The following BRD9 variants were observed in gnomAD, a reference collection of about 807,000 sequenced individuals.
BRD9 encodes bromodomain containing 9, also known as bromodomain-containing protein 9.
A neutral mutation model predicts 68.7 loss-of-function variants in BRD9; 47 were observed. That is an observed-to-expected ratio of 0.68 (90% CI 0.54 to 0.87). BRD9 has a LOEUF of 0.87. BRD9 is among the 40% of genes least tolerant of loss of function. The probability of loss-of-function intolerance (pLI) is 0.00; values close to 1 mark genes in which losing one functional copy is unlikely to be tolerated. For missense variants in BRD9, 670 were observed against 748.4 expected (o/e 0.90, Z 1.22); for synonymous variants, 313 against 293.9 (o/e 1.06, Z -0.67).
intron 5 of BRD9, chr5:888,344 G>C (rs930006664): frequency 3.9e-5 from 6 of 152,322 alleles, no homozygotes; most frequent in African/African-American, 7.2e-5. Context: ...TCCTCTCATC[G>C]AGTTTCCTTT....
chr5:867,213 G>C (rs61079259), intron 14 of BRD9, among the ~76,000 whole-genome samples: 15,129 of 152,262 alleles, frequency 0.099, 2,083 homozygotes, highest in African/African-American at 0.31. Flanking sequence ...GTAGGCAGAA[G>C]GCAAGAGCTG....
intron 5 of BRD9, 29 bp downstream of exon 5, chr5:888,992 G>T (rs756910640): frequency 6.3e-7 from 1 of 1,596,602 alleles, no homozygotes; most frequent in Non-Finnish European, 8.5e-7. Context: ...ACTATGCCAC[G>T]ATTACTTCGG....
Position 887,424 on chromosome 5 carries a change from T to C in BRD9, c.654A>G (p.Pro218=), listed in dbSNP as rs566253425. 50 of 1,614,060 alleles carry C rather than the reference T, an allele frequency of 3.1e-5. 1 individual carries two copies. In the Middle Eastern group the frequency reaches 1.3e-3, roughly 42 times the overall value. Residue 218 remains proline, a synonymous_variant, in exon 6 of 16, where the codon CCA becomes CCG. Coordinates refer to ENST00000467963, the MANE Select transcript of BRD9 (RefSeq NM_023924.5). ...MCDNAMTYNR[P]DTVYYKLAKK... Reference sequence around the variant, plus strand: ...TCGCCAACTTGTAGTACACGGTATCTGGCCTATTGTATGTCATTGCATTAT... The same window carrying C: ...TCGCCAACTTGTAGTACACGGTATCCGGCCTATTGTATGTCATTGCATTAT...
Position 864,376 on chromosome 5 carries a change from A to G in BRD9, c.*92T>C, listed in dbSNP as rs1749032211. The G allele has an allele frequency of 1.8e-6, 2 of 1,085,410 alleles. No homozygotes were observed. Among genetic ancestry groups the G allele is most frequent in the African/African-American group, 1.6e-5 (1 of 62,454 alleles). 67.2% of individuals were successfully genotyped at this position (1,085,410 alleles called of 1,614,324 possible). A position where few individuals can be genotyped will look rare whatever the true frequency, so the allele number is the denominator to read the frequency against. On this transcript the variant is annotated 3_prime_UTR_variant, in exon 16 of 16. Transcript: ENST00000467963. ...GGCTGCTTCCCGCATGCCAAAGGGG[A>G]CAGGATCAAAGTCCTTGTCTGATGA...
In BRD9 at chr5:887,473, T is replaced by C; in HGVS notation, c.607-2A>G. ...ATCACACATCAGCTTGAAATCTGCC[T>C]GAAAAGAAAACAGGAAAGACTTATC... On this transcript the variant is annotated splice_acceptor_variant, in intron 5 of 15. Transcript: ENST00000467963. LOFTEE classifies it high-confidence loss of function. The C allele has an allele frequency of 6.2e-7, 1 of 1,609,748 alleles. No individual in the cohort carries two copies. Among genetic ancestry groups the C allele is most frequent in the Non-Finnish European group, 8.5e-7 (1 of 1,176,438 alleles).
chr5:883,093 G>A (rs1471638068), intron 8 of BRD9: 10 of 354,190 alleles, frequency 2.8e-5, no homozygotes, highest in South Asian at 1.1e-4. Context: ...CTCCCAACAC[G>A]TGAGCCACGC....
intron 14 of BRD9, chr5:865,796 C>T: frequency 3.7e-6 from 2 of 534,990 alleles, no homozygotes; most frequent in Admixed American, 7.0e-5. Flanking sequence ...CACCCAGCGT[C>T]CTTTGCTCAA....
chr5:871,017 T>G (rs1750057086), intron 13 of BRD9, among the ~76,000 whole-genome samples: 1 of 152,208 alleles, frequency 6.6e-6, no homozygotes, highest in Non-Finnish European at 1.5e-5. Context: ...ATCAGCTCCC[T>G]GCAGCTCGGC....
chr5:878,675 C>G (rs1178972197), intron 10 of BRD9, 188 bp from the exon 11 acceptor site: 1 of 726,766 alleles, frequency 1.4e-6, no homozygotes, highest in African/African-American at 1.8e-5. Context: ...TGTAATTCAC[C>G]ACCCCTCATT....
chr5:892,764 C>T lies in BRD9; in HGVS notation c.-107G>A. On this transcript the variant is annotated 5_prime_UTR_variant, in exon 1 of 16. Coordinates refer to ENST00000467963, the MANE Select transcript of BRD9 (RefSeq NM_023924.5). ...CCTGGCTGGCCGCCCGCGCTCGCTG[C>T]GCCGAGGTTGCCGAGCTCGCTGGGC... 4.4e-6 allele frequency: 5 copies of T among 1,145,842 alleles called. No homozygotes were observed. Among genetic ancestry groups the T allele is most frequent in the Non-Finnish European group, 5.5e-6 (5 of 911,678 alleles). 71.0% of individuals were successfully genotyped at this position (1,145,842 alleles called of 1,614,324 possible).
intron 12 of BRD9, among the ~76,000 whole-genome samples, chr5:873,373 A>T (rs1229255911): frequency 1.3e-5 from 2 of 152,088 alleles, no homozygotes; most frequent in East Asian, 3.9e-4. Flanking sequence ...AGGAAGCCAC[A>T]CCCACAAGCC....
At chr5:875,154 G>T (rs2150575046) in intron 12 of BRD9, among the ~76,000 whole-genome samples, 1 of 152,342 alleles carries the variant, frequency 6.6e-6, no homozygotes, top group East Asian at 1.9e-4. Context: ...GAGGGCCCGG[G>T]AGTGAGCAGC....
intron 12 of BRD9, among the ~76,000 whole-genome samples, chr5:874,416 G>C (rs967853170): frequency 1.3e-5 from 2 of 152,208 alleles, no homozygotes; most frequent in African/African-American, 4.8e-5. Flanking sequence ...AGTTTTTTAA[G>C]ATCTAGTTTG....
intron 11 of BRD9, 111 bp downstream of exon 11, chr5:878,244 G>T: frequency 6.7e-7 from 1 of 1,483,352 alleles, no homozygotes; most frequent in Non-Finnish European, 9.1e-7. Context: ...CCATATGGAC[G>T]GCTGCAAGAT....
rs766275105 is a variant in BRD9, at chr5:864,327, A to G, written c.*141T>C. On this transcript the variant is annotated 3_prime_UTR_variant, in exon 16 of 16. Coordinates refer to ENST00000467963, the MANE Select transcript of BRD9 (RefSeq NM_023924.5). ...TTGGAGACTCTGCTGACATGATACC[A>G]CAGACAATTCATTACCTCCCCGCGG... 56 of 638,942 alleles carry G rather than the reference A, an allele frequency of 8.8e-5. No individual in the cohort carries two copies. The highest frequency in any genetic ancestry group is 1.3e-4 in the Non-Finnish European group (49 of 386,356). The allele number at this position is 638,942 out of a possible 1,614,324, so 39.6% of individuals were successfully genotyped here.
At position 883,939 on chromosome 5, in the gene BRD9, T is replaced by C; in HGVS notation, c.965A>G (p.Lys322Arg). 3 of 1,610,950 alleles carry C rather than the reference T, an allele frequency of 1.9e-6. No individual in the cohort carries two copies. The highest frequency in any genetic ancestry group is 2.5e-6 in the Non-Finnish European group (3 of 1,179,686). Residue 322 changes from lysine to arginine, a missense_variant and splice_region_variant, in exon 8 of 16, where the codon AAG becomes AGG. Transcript: ENST00000467963. ...DRINRFLPGGKMGYLKRNGDG... is the reference protein window; with the variant it reads ...DRINRFLPGGRMGYLKRNGDG... The stretch of plus-strand genomic sequence containing the variant: ...CTCTCGGTGGCCACAGAGCACTACC[T>C]TGCCGCCTGGGAGGAACCGGTTGAT...
intron 12 of BRD9, among the ~76,000 whole-genome samples, chr5:873,952 T>C (rs982414516): frequency 1.3e-5 from 2 of 152,238 alleles, no homozygotes; most frequent in Admixed American, 6.5e-5. Flanking sequence ...AGAATAAGGC[T>C]GCCCTGGACC....
Position 887,305 on chromosome 5 carries a change from G to A in BRD9, c.717+56C>T, listed in dbSNP as rs574239695. 1.5e-5 allele frequency: 22 copies of A among 1,448,242 alleles called. 1 individual carries two copies. Among genetic ancestry groups the A allele is most frequent in the African/African-American group, 9.9e-5 (7 of 70,972 alleles). The allele number at this position is 1,448,242 out of a possible 1,614,324, so 89.7% of individuals were successfully genotyped here. ...TGTGAGGCTCCCTTCGGGCACAAGCGACGGGGGGCAGAGCCCCTGCTTTCC... is the reference window on the plus strand; with the variant it reads ...TGTGAGGCTCCCTTCGGGCACAAGCAACGGGGGGCAGAGCCCCTGCTTTCC... On this transcript the variant is annotated intron_variant, in intron 6 of 15. Coordinates refer to ENST00000467963, the MANE Select transcript of BRD9 (RefSeq NM_023924.5).
At position 889,421 on chromosome 5, in the gene BRD9, T is replaced by C. The variant is rs148498363; in HGVS notation, c.461+166A>G. Among the ~76,000 whole-genome samples, 40 of 152,220 alleles carry C rather than the reference T, an allele frequency of 2.6e-4. No individual in the cohort carries two copies. The East Asian group carries it at 7.4e-3, about 28-fold the overall frequency. ...CTCTGACTTCAGAGTGAGCCACTAATGAGTTCATGAACTCTTCCTACGCAC... is the reference window on the plus strand; with the variant it reads ...CTCTGACTTCAGAGTGAGCCACTAACGAGTTCATGAACTCTTCCTACGCAC... On this transcript the variant is annotated intron_variant, in intron 4 of 15. Coordinates refer to ENST00000467963, the MANE Select transcript of BRD9 (RefSeq NM_023924.5).
Sources: gnomAD v4.1 joint callset for allele counts (sites outside exome capture counted in the v4.1 genomes callset) on GRCh38, gnomAD v4.1.1 for gene constraint, MANE v1.5 for transcripts, NCBI Gene and HGNC (gene_info 2026-07-23, HGNC 2026-07-21) for gene names.